Variants in KCNMB4 observed in about 807,000 individuals in gnomAD.
KCNMB4 encodes the protein potassium calcium-activated channel subfamily M regulatory beta subunit 4, also known as calcium-activated potassium channel subunit beta-4.
In KCNMB4, 3 loss-of-function variants were observed where a neutral mutation model predicts 20.7. That is an observed-to-expected ratio of 0.14 (90% CI 0.07 to 0.37). The LOEUF (loss-of-function observed/expected upper bound fraction) is 0.37. Ranked by LOEUF, KCNMB4 falls within the 10% of genes least tolerant of loss-of-function variation. The pLI is 1.00. For synonymous variants in KCNMB4, 110 were observed against 113.4 expected (o/e 0.97, Z 0.19); for missense variants, 168 against 265.9 (o/e 0.63, Z 2.56).
intron 1 of KCNMB4, among the ~76,000 whole-genome samples, chr12:70,398,914 T>C (rs966155564): frequency 5.9e-5 from 9 of 152,118 alleles, no homozygotes; most frequent in Non-Finnish European, 1.2e-4. Flanking sequence ...GGCACTTAAC[T>C]GTGGTAGAAG....
chr12:70,423,928 T>G (rs1869138653), intron 2 of KCNMB4, among the ~76,000 whole-genome samples: 1 of 152,230 alleles, frequency 6.6e-6, no homozygotes, highest in African/African-American at 2.4e-5. Flanking sequence ...TGAATTAAAC[T>G]GACAAAAGGT....
intron 1 of KCNMB4, among the ~76,000 whole-genome samples, chr12:70,372,829 A>C (rs1369748827): frequency 6.6e-6 from 1 of 152,234 alleles, no homozygotes; most frequent in African/African-American, 2.4e-5. Flanking sequence ...TGATATGAAC[A>C]TCCAGAGGGA....
In KCNMB4 at chr12:70,400,553, CT is replaced by C. The variant is rs1290673978; in HGVS notation, c.464+220del. Among the ~76,000 whole-genome samples the C allele has an allele frequency of 3.3e-5, 5 of 152,314 alleles. No homozygotes were observed. In the East Asian group the frequency reaches 9.6e-4, roughly 29 times the overall value. On this transcript the variant is annotated intron_variant, in intron 2 of 2. Transcript: ENST00000258111. ...TGAATATACTACAAAATGATAGTGA[CT>C]TTAGGTAGGAACATTACTTTGCATT...
chr12:70,371,358 C>T (rs1273127601), intron 1 of KCNMB4, among the ~76,000 whole-genome samples: 2 of 152,120 alleles, frequency 1.3e-5, no homozygotes, highest in Admixed American at 6.5e-5. Context: ...AACTACAGGG[C>T]GTGGTGGCTC....
intron 2 of KCNMB4, among the ~76,000 whole-genome samples, chr12:70,401,351 A>G (rs903430642): frequency 2.0e-5 from 3 of 150,834 alleles, no homozygotes; most frequent in African/African-American, 7.4e-5. Flanking sequence ...TACCTGTATC[A>G]TGACTCTTCT....
intron 1 of KCNMB4, among the ~76,000 whole-genome samples, chr12:70,386,738 A>G (rs1868260852): frequency 6.6e-6 from 1 of 152,184 alleles, no homozygotes; most frequent in African/African-American, 2.4e-5. Context: ...AGATGCTGGT[A>G]CAAGGAAGTT....
At chr12:70,386,289 T>A (rs1207344503) in intron 1 of KCNMB4, among the ~76,000 whole-genome samples, 1 of 152,134 alleles carries the variant, frequency 6.6e-6, no homozygotes, top group Non-Finnish European at 1.5e-5. Flanking sequence ...TGGGTCTGTC[T>A]TCAAAGTGGG....
chr12:70,398,249 G>C (rs1868374727), intron 1 of KCNMB4, among the ~76,000 whole-genome samples: 1 of 152,006 alleles, frequency 6.6e-6, no homozygotes, highest in African/African-American at 2.4e-5. Flanking sequence ...CTTCTGCTGG[G>C]TTCTTTCTTG....
Position 70,433,738 on chromosome 12 carries a change from A to G in KCNMB4, c.*3085A>G, listed in dbSNP as rs1869426624. The G allele has an allele frequency of 6.6e-6, 1 of 152,312 alleles. No homozygotes were observed. The highest frequency in any genetic ancestry group is 1.5e-5 in the Non-Finnish European group (1 of 68,072). 9.4% of individuals were successfully genotyped at this position (152,312 alleles called of 1,614,324 possible). Reference sequence around the variant, plus strand: ...GCATGATGGAGATCCCTTGCCCAGCAGAAAGTGTTCCTTGGTGAAATCATG... The same window carrying G: ...GCATGATGGAGATCCCTTGCCCAGCGGAAAGTGTTCCTTGGTGAAATCATG... On this transcript the variant is annotated 3_prime_UTR_variant, in exon 3 of 3. Coordinates refer to ENST00000258111, the MANE Select transcript of KCNMB4 (RefSeq NM_014505.6).
At chr12:70,402,049 G>A (rs937790828) in intron 2 of KCNMB4, among the ~76,000 whole-genome samples, 21 of 152,148 alleles carry the variant, frequency 1.4e-4, no homozygotes, top group African/African-American at 4.8e-4. Context: ...TCAAGATCTT[G>A]TCCCAGACTG....
intron 1 of KCNMB4, among the ~76,000 whole-genome samples, chr12:70,372,070 G>T (rs1883606186): frequency 1.3e-5 from 2 of 152,192 alleles, no homozygotes; most frequent in South Asian, 4.1e-4. Flanking sequence ...AGGGATGTAA[G>T]TAATGAATCA....
intron 2 of KCNMB4, among the ~76,000 whole-genome samples, chr12:70,407,464 T>C (rs1868638083): frequency 8.1e-6 from 1 of 123,106 alleles, no homozygotes; most frequent in South Asian, 3.1e-4. Context: ...TGAATTCTTT[T>C]TTTTTTTTTT....
chr12:70,396,372 C>T (rs1299500749), intron 1 of KCNMB4, among the ~76,000 whole-genome samples: 1 of 152,182 alleles, frequency 6.6e-6, no homozygotes, highest in Non-Finnish European at 1.5e-5. Flanking sequence ...GTGGTATAAT[C>T]TCAGCTCACT....
At chr12:70,420,114 C>T (rs754106265) in intron 2 of KCNMB4, among the ~76,000 whole-genome samples, 1 of 152,044 alleles carries the variant, frequency 6.6e-6, no homozygotes, top group Non-Finnish European at 1.5e-5. Context: ...TTTTTAAATA[C>T]TTCTGTTGAT....
At chr12:70,417,360 A>G (rs1868938209) in intron 2 of KCNMB4, among the ~76,000 whole-genome samples, 1 of 152,214 alleles carries the variant, frequency 6.6e-6, no homozygotes, top group South Asian at 2.1e-4. Context: ...GTATAGGAGC[A>G]GCAGCATTGG....
rs1181347444 is a variant in KCNMB4, at chr12:70,433,241, C to G, written c.*2588C>G. ...CTTTTTGTATAAATCAGAAAATGAT[C>G]TAAACTGCTGTAACAAAGAGACCCC... On this transcript the variant is annotated 3_prime_UTR_variant, in exon 3 of 3. Transcript: ENST00000258111. 6.6e-6 allele frequency: 1 copy of G among 152,152 alleles called. No homozygotes were observed. Among genetic ancestry groups the G allele is most frequent in the East Asian group, 1.9e-4 (1 of 5,184 alleles). 9.4% of individuals were successfully genotyped at this position (152,152 alleles called of 1,614,324 possible).
chr12:70,393,276 C>CA (rs1283690647), intron 1 of KCNMB4, among the ~76,000 whole-genome samples: 1 of 152,114 alleles, frequency 6.6e-6, no homozygotes, highest in African/African-American at 2.4e-5. Flanking sequence ...GATCTCGGCT[C>CA]ACTACAACCT....
intron 1 of KCNMB4, among the ~76,000 whole-genome samples, chr12:70,397,940 G>A (rs903385794): frequency 5.9e-5 from 9 of 152,110 alleles, no homozygotes; most frequent in South Asian, 2.1e-4. Context: ...CTTCGTAGAA[G>A]AGCACAATAA....
intron 2 of KCNMB4, among the ~76,000 whole-genome samples, chr12:70,415,892 C>A (rs1211263756): frequency 6.6e-6 from 1 of 152,182 alleles, no homozygotes; most frequent in Admixed American, 6.5e-5. Context: ...GGATTTACAG[C>A]TGACTAGTGA....
Sources: gnomAD v4.1 joint callset for allele counts (sites outside exome capture counted in the v4.1 genomes callset) on GRCh38, gnomAD v4.1.1 for gene constraint, MANE v1.5 for transcripts, NCBI Gene and HGNC (gene_info 2026-07-23, HGNC 2026-07-21) for gene names.